STAC: variants seen among roughly 807,000 people sequenced by gnomAD.
STAC encodes the protein SH3 and cysteine rich domain, also known as SH3 and cysteine-rich domain-containing protein.
Under a neutral mutation model 48.8 loss-of-function variants are expected in STAC, and 43 were observed. That is an observed-to-expected ratio of 0.88 (90% CI 0.69 to 1.14). STAC has a LOEUF of 1.14. Ranked by LOEUF, STAC falls within the 50% of genes most tolerant of loss-of-function variation. The probability of loss-of-function intolerance (pLI) is 0.00; values close to 1 mark genes in which losing one functional copy is unlikely to be tolerated. For missense variants in STAC, 497 were observed against 504.0 expected, an observed-to-expected ratio of 0.99 and a Z score of 0.13; for synonymous variants, 193 against 179.5, an observed-to-expected ratio of 1.07 and a Z score of -0.60.
intron 10 of STAC, among the ~76,000 whole-genome samples, chr3:36,540,561 T>G (rs535599219): frequency 3.9e-4 from 60 of 152,142 alleles, no homozygotes; most frequent in African/African-American, 1.4e-3. Flanking sequence ...AGATAAAGTA[T>G]GAGAAAGACT....
In STAC at chr3:36,398,649, AG is replaced by A. The variant is rs1436761472; in HGVS notation, c.111+17896del. ...AAAAGAGAGAGAAAGAAAGAAAGAA[AG>A]AGAAAGAAAGGAAGGAAGGAAGGAA... is the stretch of plus-strand genomic sequence containing the variant. On this transcript the variant is annotated intron_variant, in intron 1 of 10. Coordinates refer to ENST00000273183, the MANE Select transcript of STAC (RefSeq NM_003149.3). Among the ~76,000 whole-genome samples the A allele has an allele frequency of 2.1e-3, 238 of 114,318 alleles. 9 individuals carry two copies. The highest frequency in any genetic ancestry group is 4.3e-3 in the African/African-American group (137 of 32,216). The allele number at this position is 114,318 out of a possible 152,430, so 75.0% of individuals were successfully genotyped here. A position where few individuals can be genotyped will look rare whatever the true frequency, so the allele number is the denominator to read the frequency against.
rs544745978 is a variant in STAC at position 36,468,766 on chromosome 3, GTGTGTGTT to G, written c.389-14218_389-14211del. On this transcript the variant is annotated intron_variant, in intron 2 of 10. Transcript: ENST00000273183. ...AATACATATATGTGTGTGTGTGTGTGTGTGTGTTTGTGTGTGTTTATATTTAGAATTGT... is the reference window on the plus strand; with the variant it reads ...AATACATATATGTGTGTGTGTGTGTGTGTGTGTGTTTATATTTAGAATTGT... Among the ~76,000 whole-genome samples the G allele has an allele frequency of 6.6e-3, 967 of 146,680 alleles. 10 individuals carry two copies. The highest frequency in any genetic ancestry group is 0.022 in the African/African-American group (906 of 40,460).
chr3:36,507,023 C>T (rs902083005), intron 8 of STAC, among the ~76,000 whole-genome samples: 3 of 152,260 alleles, frequency 2.0e-5, no homozygotes, highest in South Asian at 2.1e-4. Flanking sequence ...GGGAATGCTT[C>T]CAGTTTTTGC....
chr3:36,514,971 G>A (rs1338722513), intron 8 of STAC, among the ~76,000 whole-genome samples: 1 of 151,928 alleles, frequency 6.6e-6, no homozygotes, highest in African/African-American at 2.4e-5. Context: ...CAGGGAGGTG[G>A]AGGTTGCAGT....
intron 2 of STAC, among the ~76,000 whole-genome samples, chr3:36,457,767 C>T (rs927727710): frequency 1.3e-5 from 2 of 152,188 alleles, no homozygotes; most frequent in Non-Finnish European, 2.9e-5. Flanking sequence ...CCTCCTAAAA[C>T]TTTAAGCAAA....
chr3:36,505,790 C>T lies in STAC; in HGVS notation c.876C>T (p.Ala292=), dbSNP rs1239683516. Residue 292 remains alanine, a synonymous_variant, in exon 8 of 11, where the codon GCC becomes GCT. Coordinates refer to ENST00000273183, the MANE Select transcript of STAC (RefSeq NM_003149.3). ...CATTACAGATGAACACCTATGTTGC[C>T]TTGTACAAATTTGTACCACAGGAGA... ...KDPLQMNTYV[A]LYKFVPQENE... is the part of the protein sequence containing the mutation. 6.2e-7 allele frequency: 1 copy of T among 1,608,318 alleles called. No individual in the cohort carries two copies. Among genetic ancestry groups the T allele is most frequent in the Non-Finnish European group, 8.5e-7 (1 of 1,178,076 alleles).
At chr3:36,488,787 C>T (rs1697885448) in intron 5 of STAC, among the ~76,000 whole-genome samples, 1 of 152,156 alleles carries the variant, frequency 6.6e-6, no homozygotes, top group African/African-American at 2.4e-5. Flanking sequence ...AATAACCGTG[C>T]TACCCTTTTC....
chr3:36,397,751 C>T (rs1420496190), intron 1 of STAC, among the ~76,000 whole-genome samples: 1 of 152,042 alleles, frequency 6.6e-6, no homozygotes, highest in Non-Finnish European at 1.5e-5. Flanking sequence ...TTTGGATCAC[C>T]CAAGTGCTCT....
chr3:36,464,819 T>C (rs1697120201), intron 2 of STAC, among the ~76,000 whole-genome samples: 1 of 151,898 alleles, frequency 6.6e-6, no homozygotes, highest in Non-Finnish European at 1.5e-5. Context: ...ATGGTGTGTG[T>C]GTGTGTGTGT....
chr3:36,435,557 T>C (rs1700813858), intron 1 of STAC, among the ~76,000 whole-genome samples: 1 of 152,154 alleles, frequency 6.6e-6, no homozygotes, highest in African/African-American at 2.4e-5. Context: ...ACATTTCCCT[T>C]CAGATATTGC....
chr3:36,519,961 T>C (rs1192343618), intron 8 of STAC, among the ~76,000 whole-genome samples: 2 of 152,320 alleles, frequency 1.3e-5, no homozygotes, highest in Admixed American at 1.3e-4. Flanking sequence ...TGGACAAAAA[T>C]CATTTGCATT....
intron 1 of STAC, among the ~76,000 whole-genome samples, chr3:36,440,097 T>C (rs1481743252): frequency 1.3e-5 from 2 of 152,218 alleles, no homozygotes; most frequent in African/African-American, 2.4e-5. Context: ...TGTTGCCCTA[T>C]TAGCAGCCCT....
chr3:36,516,823 C>T (rs1035959833), intron 8 of STAC, among the ~76,000 whole-genome samples: 5 of 152,134 alleles, frequency 3.3e-5, no homozygotes, highest in African/African-American at 1.2e-4. Context: ...GAATTTCATG[C>T]CCAGTACAAA....
chr3:36,494,689 G>A (rs542464094), intron 6 of STAC, among the ~76,000 whole-genome samples: 1 of 152,278 alleles, frequency 6.6e-6, no homozygotes, highest in African/African-American at 2.4e-5. Context: ...CTCACCACTG[G>A]GGTAAGGATT....
intron 2 of STAC, among the ~76,000 whole-genome samples, chr3:36,469,474 TC>T (rs1464063164): frequency 6.6e-6 from 1 of 152,188 alleles, no homozygotes; most frequent in Non-Finnish European, 1.5e-5. Context: ...TGATAGGTTT[TC>T]ATTTATAGGT....
chr3:36,404,758 T>TAGAC (rs58222944), intron 1 of STAC, among the ~76,000 whole-genome samples: 6 of 151,336 alleles, frequency 4.0e-5, no homozygotes, highest in Non-Finnish European at 7.4e-5. Context: ...GGTAAATAGA[T>TAGAC]GATAGATGTT....
chr3:36,504,065 A>G (rs1479634247), intron 6 of STAC, among the ~76,000 whole-genome samples: 3 of 152,214 alleles, frequency 2.0e-5, no homozygotes, highest in African/African-American at 7.2e-5. Flanking sequence ...GATGCATTCA[A>G]CAAGGACAAA....
intron 2 of STAC, among the ~76,000 whole-genome samples, chr3:36,474,603 G>A (rs1346538676): frequency 6.6e-6 from 1 of 152,120 alleles, no homozygotes. Flanking sequence ...GCTGCATATT[G>A]TTGGGCCTTC....
intron 1 of STAC, among the ~76,000 whole-genome samples, chr3:36,400,555 A>C (rs901624752): frequency 1.3e-5 from 2 of 152,210 alleles, no homozygotes; most frequent in Non-Finnish European, 2.9e-5. Context: ...AATGACCTTC[A>C]AGAATGTTAT....
Sources: allele counts gnomAD v4.1 joint callset (sites outside exome capture counted in the v4.1 genomes callset), GRCh38; gene constraint gnomAD v4.1.1; transcripts MANE v1.5; gene names NCBI Gene and HGNC (gene_info 2026-07-23, HGNC 2026-07-21).